Variants in ERI3 observed in about 807,000 individuals in gnomAD.
ERI3 encodes the protein ERI1 exoribonuclease family member 3.
A neutral mutation model predicts 44.4 loss-of-function variants in ERI3; 18 were observed. That is an observed-to-expected ratio of 0.41 (90% CI 0.28 to 0.60). ERI3 has a LOEUF of 0.60. ERI3 is among the 20% of genes least tolerant of loss of function. The pLI is 0.36. For missense variants in ERI3, 294 were observed against 435.5 expected, an observed-to-expected ratio of 0.68 and a Z score of 2.89; for synonymous variants, 183 against 164.8, an observed-to-expected ratio of 1.11 and a Z score of -0.84.
At chr1:44,266,169 C>T (rs888100803) in intron 7 of ERI3, among the ~76,000 whole-genome samples, 4 of 152,182 alleles carry the variant, frequency 2.6e-5, no homozygotes, top group African/African-American at 9.7e-5. Context: ...TTGATATAGG[C>T]ACTTGATGTA....
chr1:44,243,677 C>T (rs1327773273), intron 8 of ERI3: 1 of 152,210 alleles, frequency 6.6e-6, no homozygotes, highest in African/African-American at 2.4e-5. Flanking sequence ...AATTGCAGGT[C>T]CCTGGCTCAG....
Position 44,319,748 on chromosome 1 carries a change from G to C in ERI3, c.490-4C>G. Reference sequence around the variant, plus strand: ...GGATGGGGAACTCGATGATTTCCTGGAGTGCCAAAGATACAGAAAAGGAAA... The same window carrying C: ...GGATGGGGAACTCGATGATTTCCTGCAGTGCCAAAGATACAGAAAAGGAAA... On this transcript the variant is annotated splice_region_variant and splice_polypyrimidine_tract_variant and intron_variant, in intron 3 of 8. Coordinates refer to ENST00000372257, the MANE Select transcript of ERI3 (RefSeq NM_024066.3). 1.3e-6 allele frequency: 2 copies of C among 1,593,034 alleles called. No individual in the cohort carries two copies. The highest frequency in any genetic ancestry group is 2.2e-5 in the South Asian group (2 of 90,488).
chr1:44,344,245 A>C (rs1436965653), intron 2 of ERI3, among the ~76,000 whole-genome samples: 1 of 147,036 alleles, frequency 6.8e-6, no homozygotes, highest in African/African-American at 2.6e-5. Flanking sequence ...ATAAATAAAT[A>C]AATAAATAAA....
At chr1:44,265,325 A>G (rs1488800502) in intron 7 of ERI3, among the ~76,000 whole-genome samples, 1 of 152,250 alleles carries the variant, frequency 6.6e-6, no homozygotes, top group African/African-American at 2.4e-5. Context: ...AGATATGCCT[A>G]TACAGCTGTA....
intron 7 of ERI3, among the ~76,000 whole-genome samples, chr1:44,271,928 A>C (rs1388075566): frequency 6.6e-6 from 1 of 152,180 alleles, no homozygotes; most frequent in Non-Finnish European, 1.5e-5. Context: ...GACAGCATTA[A>C]GCTCATCCTT....
Position 44,354,966 on chromosome 1 carries a change from C to A in ERI3, c.61G>T (p.Val21Phe). 2 of 1,357,192 alleles carry A rather than the reference C, an allele frequency of 1.5e-6. No individual in the cohort carries two copies. The highest frequency in any genetic ancestry group is 1.5e-5 in the African/African-American group (1 of 66,790). 84.1% of individuals were successfully genotyped at this position (1,357,192 alleles called of 1,614,324 possible). A position where few individuals can be genotyped will look rare whatever the true frequency, so the allele number is the denominator to read the frequency against. Reference protein sequence around the residue: ...GRGRPWEGGLVSWPPAPPLTL... With the variant: ...GRGRPWEGGLFSWPPAPPLTL... ...AGGGGAGGGGCGGGGGGCCAGGAGACCAGCCCTCCTTCCCAGGGCCGCCCC... is the reference window on the plus strand; with the variant it reads ...AGGGGAGGGGCGGGGGGCCAGGAGAACAGCCCTCCTTCCCAGGGCCGCCCC... Residue 21 changes from valine (V) to phenylalanine (F), a missense_variant, in exon 1 of 9, where the codon GTC becomes TTC. Val to Phe is a conservative substitution (Grantham distance 50, BLOSUM62 -1). This residue lies in a region of ERI3 where 107 missense variants were observed against 96.9 expected (regional missense o/e 1.10). Coordinates refer to ENST00000372257, the MANE Select transcript of ERI3 (RefSeq NM_024066.3).
At chr1:44,292,068 T>G (rs1306902366) in intron 6 of ERI3, among the ~76,000 whole-genome samples, 1 of 152,150 alleles carries the variant, frequency 6.6e-6, no homozygotes, top group African/African-American at 2.4e-5. Context: ...TAAGGCCTCA[T>G]AGAAGGGATT....
rs1646979740 is a variant in ERI3, at chr1:44,355,253, G to A, written c.-227C>T. 1.7e-5 allele frequency: 20 copies of A among 1,164,876 alleles called. No individual in the cohort carries two copies. The highest frequency in any genetic ancestry group is 4.7e-5 in the Admixed American group (1 of 21,400). The allele number at this position is 1,164,876 out of a possible 1,614,324, so 72.2% of individuals were successfully genotyped here. ...CAGCACCACGAGTCCACAACACACC[G>A]ACTCACCTCCGCGCACTCTGACCCC... On this transcript the variant is annotated 5_prime_UTR_variant, in exon 1 of 9. Coordinates refer to ENST00000372257, the MANE Select transcript of ERI3 (RefSeq NM_024066.3).
intron 8 of ERI3, among the ~76,000 whole-genome samples, chr1:44,247,413 C>A (rs1394594025): frequency 1.3e-5 from 2 of 152,208 alleles, no homozygotes. Flanking sequence ...AACCCAGGCA[C>A]CGCTCAATGG....
At chr1:44,314,845 T>C (rs370221028) in intron 4 of ERI3, among the ~76,000 whole-genome samples, 1 of 152,156 alleles carries the variant, frequency 6.6e-6, no homozygotes, top group African/African-American at 2.4e-5. Context: ...ATGGAATACA[T>C]GTTCTCAGCA....
chr1:44,266,629 T>C (rs1174306151), intron 7 of ERI3, among the ~76,000 whole-genome samples: 1 of 152,246 alleles, frequency 6.6e-6, no homozygotes, highest in African/African-American at 2.4e-5. Flanking sequence ...CTCACTATTT[T>C]ATCCCCAGTG....
intron 8 of ERI3, among the ~76,000 whole-genome samples, chr1:44,227,982 T>C (rs2154315480): frequency 6.6e-6 from 1 of 152,326 alleles, no homozygotes; most frequent in Non-Finnish European, 1.5e-5. Flanking sequence ...ATTTTTGTTA[T>C]TCCAATAACA....
Position 44,308,434 on chromosome 1 carries a change from C to CT in ERI3, c.667-34dup, listed in dbSNP as rs372445345. ...GTACACAAGAACAAATGAGATTTTC[C>CT]TTTTTTTTCCCTGAGCCTGTGAAGA... On this transcript the variant is annotated intron_variant, in intron 5 of 8. Coordinates refer to ENST00000372257, the MANE Select transcript of ERI3 (RefSeq NM_024066.3). 238 of 1,579,180 alleles carry CT rather than the reference C, an allele frequency of 1.5e-4. 1 individual carries two copies. The African/African-American group carries it at 2.4e-3, about 16-fold the overall frequency.
At chr1:44,353,955 G>T (rs1352455910) in intron 1 of ERI3, 1 of 985,246 alleles carries the variant, frequency 1.0e-6, no homozygotes, top group Non-Finnish European at 1.2e-6. Context: ...CATTAGTGGA[G>T]TCACACTCCA....
At chr1:44,354,440 A>G in intron 1 of ERI3, 1 of 985,382 alleles carries the variant, frequency 1.0e-6, no homozygotes. Context: ...TTTTTTTAAG[A>G]AAACACCTGT....
intron 8 of ERI3, among the ~76,000 whole-genome samples, chr1:44,225,960 C>G (rs1199367264): frequency 6.6e-6 from 1 of 152,170 alleles, no homozygotes; most frequent in African/African-American, 2.4e-5. Context: ...CTGTAGCTCC[C>G]TGCCTTCAAG....
intron 7 of ERI3, among the ~76,000 whole-genome samples, chr1:44,250,819 T>G (rs1041209306): frequency 2.0e-5 from 3 of 152,142 alleles, no homozygotes; most frequent in Admixed American, 2.0e-4. Flanking sequence ...AAATGCTGCT[T>G]CCAGCGGGAC....
intron 7 of ERI3, among the ~76,000 whole-genome samples, chr1:44,261,544 AG>A (rs1304740838): frequency 6.6e-6 from 1 of 152,256 alleles, no homozygotes; most frequent in East Asian, 1.9e-4. Context: ...GCTGAGAAAG[AG>A]GAGAGGGAAA....
chr1:44,249,221 T>G (rs1198553368), intron 7 of ERI3, among the ~76,000 whole-genome samples: 1 of 152,152 alleles, frequency 6.6e-6, no homozygotes, highest in Non-Finnish European at 1.5e-5. Context: ...CAGGACAGCG[T>G]ACAGGGCAGT....
Sources: gnomAD v4.1 joint callset for allele counts (sites outside exome capture counted in the v4.1 genomes callset) on GRCh38, gnomAD v4.1.1 for gene constraint, gnomAD v4.1.1 regional missense constraint, MANE v1.5 for transcripts, NCBI Gene and HGNC (gene_info 2026-07-23, HGNC 2026-07-21) for gene names.